Variants in SND1 observed in about 807,000 individuals in gnomAD.
SND1 encodes staphylococcal nuclease domain-containing protein 1.
SND1 carries 38 observed loss-of-function variants against 121.7 expected under a neutral mutation model. That is an observed-to-expected ratio of 0.31 (90% CI 0.24 to 0.41). The LOEUF is 0.41. Among genes scored for constraint, SND1 ranks in the 10% least tolerant of loss-of-function variants. The probability of loss-of-function intolerance (pLI) is 1.00; values close to 1 mark genes in which losing one functional copy is unlikely to be tolerated. For synonymous variants in SND1, 401 were observed against 447.4 expected (o/e 0.90, Z 1.31); for missense variants, 868 against 1,184.6 (o/e 0.73, Z 3.92).
intron 16 of SND1, chr7:128,030,472 T>G (rs1410390921): frequency 6.2e-7 from 1 of 1,613,530 alleles, no homozygotes; most frequent in Non-Finnish European, 8.5e-7. Context: ...ACCACCTTGC[T>G]GAACTGGTTA....
intron 12 of SND1, among the ~76,000 whole-genome samples, chr7:127,859,060 C>T (rs1233744272): frequency 6.6e-6 from 1 of 152,172 alleles, no homozygotes; most frequent in Non-Finnish European, 1.5e-5. Context: ...TCTGCTTTCA[C>T]TGTCAGAGCA....
At chr7:127,823,713 G>A (rs1018219870) in intron 11 of SND1, among the ~76,000 whole-genome samples, 2 of 151,770 alleles carry the variant, frequency 1.3e-5, no homozygotes, top group Admixed American at 6.6e-5. Context: ...GCAAATGAAC[G>A]CTCAATTAAT....
At chr7:127,680,789 GA>G in intron 1 of SND1, among the ~76,000 whole-genome samples, 1 of 151,360 alleles carries the variant, frequency 6.6e-6, no homozygotes, top group East Asian at 1.9e-4. Flanking sequence ...ACAGGATTAA[GA>G]GATTAAAGTA....
At chr7:127,842,434 A>G (rs1798981316) in intron 11 of SND1, among the ~76,000 whole-genome samples, 1 of 152,138 alleles carries the variant, frequency 6.6e-6, no homozygotes, top group African/African-American at 2.4e-5. Context: ...ATATCCATTT[A>G]TTTAGTGTAT....
At chr7:127,745,251 A>T (rs1236049334) in intron 10 of SND1, among the ~76,000 whole-genome samples, 1 of 152,224 alleles carries the variant, frequency 6.6e-6, no homozygotes, top group Non-Finnish European at 1.5e-5. Flanking sequence ...TCCAGGCTGT[A>T]AACCTGTACA....
At chr7:127,682,584 T>G (rs1231252460) in intron 1 of SND1, among the ~76,000 whole-genome samples, 1 of 152,232 alleles carries the variant, frequency 6.6e-6, no homozygotes, top group Non-Finnish European at 1.5e-5. Context: ...TTAAGGATAA[T>G]TACTGCATCC....
At chr7:127,809,304 C>G (rs1488804818) in intron 11 of SND1, among the ~76,000 whole-genome samples, 5 of 152,086 alleles carry the variant, frequency 3.3e-5, no homozygotes, top group Non-Finnish European at 4.4e-5. Flanking sequence ...AAGTTTTGTT[C>G]CCCAGAGTGA....
intron 1 of SND1, among the ~76,000 whole-genome samples, chr7:127,667,306 A>G (rs1478198610): frequency 6.6e-6 from 1 of 152,236 alleles, no homozygotes; most frequent in Non-Finnish European, 1.5e-5. Flanking sequence ...AAACCTGAAG[A>G]AGAGTAAATG....
At chr7:127,773,764 A>G (rs1209029501) in intron 10 of SND1, among the ~76,000 whole-genome samples, 3 of 152,176 alleles carry the variant, frequency 2.0e-5, no homozygotes, top group African/African-American at 4.8e-5. Flanking sequence ...TTGAAGTGAC[A>G]TTTAATTTTC....
At chr7:128,035,927 A>G (rs944417949) in intron 16 of SND1, among the ~76,000 whole-genome samples, 1 of 152,222 alleles carries the variant, frequency 6.6e-6, no homozygotes, top group Non-Finnish European at 1.5e-5. Flanking sequence ...CTAGATGTCC[A>G]TAATGCCTCA....
chr7:127,669,142 G>A (rs1795471582), intron 1 of SND1, among the ~76,000 whole-genome samples: 2 of 152,040 alleles, frequency 1.3e-5, no homozygotes, highest in African/African-American at 4.8e-5. Flanking sequence ...ACAGGCGCTC[G>A]ACACCACGAC....
chr7:127,759,242 T>C (rs1797256267), intron 10 of SND1, among the ~76,000 whole-genome samples: 1 of 152,242 alleles, frequency 6.6e-6, no homozygotes, highest in Non-Finnish European at 1.5e-5. Context: ...TGTAACAGAA[T>C]GTTCTCTAAT....
At chr7:127,909,984 C>T (rs184342010) in intron 14 of SND1, among the ~76,000 whole-genome samples, 356 of 152,314 alleles carry the variant, frequency 2.3e-3, no homozygotes, top group Non-Finnish European at 4.1e-3. Context: ...TGCTCCTGAC[C>T]TCTGCCTTCA....
chr7:127,871,451 C>T (rs139553851), intron 12 of SND1, among the ~76,000 whole-genome samples: 65 of 152,280 alleles, frequency 4.3e-4, no homozygotes, highest in African/African-American at 1.3e-3. Context: ...TATGACTACG[C>T]AGTCTCTAGG....
At chr7:127,962,857 T>C (rs1450448909) in intron 15 of SND1, among the ~76,000 whole-genome samples, 1 of 152,222 alleles carries the variant, frequency 6.6e-6, no homozygotes, top group African/African-American at 2.4e-5. Context: ...CAATCAGGCA[T>C]AACATGTTCT....
intron 10 of SND1, among the ~76,000 whole-genome samples, chr7:127,804,672 G>A (rs1798199299): frequency 2.0e-5 from 3 of 151,828 alleles, no homozygotes; most frequent in South Asian, 2.1e-4. Context: ...TCAGGAGGCC[G>A]AGATGGGAGG....
intron 15 of SND1, among the ~76,000 whole-genome samples, chr7:127,945,185 G>A (rs1267605311): frequency 1.3e-5 from 2 of 152,188 alleles, no homozygotes; most frequent in Admixed American, 1.3e-4. Flanking sequence ...CTTGGCTAAC[G>A]TTTTGACTCT....
intron 16 of SND1, among the ~76,000 whole-genome samples, chr7:128,014,331 T>C (rs1014338577): frequency 1.3e-5 from 2 of 152,144 alleles, no homozygotes; most frequent in East Asian, 1.9e-4. Context: ...TTTTAAAGCA[T>C]TGAAGGAAGT....
chr7:127,865,664 G>A (rs1437921596), intron 12 of SND1, among the ~76,000 whole-genome samples: 1 of 151,970 alleles, frequency 6.6e-6, no homozygotes, highest in Non-Finnish European at 1.5e-5. Flanking sequence ...CACTCAGGCT[G>A]GAATGCAGTG....
Sources: gnomAD v4.1 joint callset for allele counts (sites outside exome capture counted in the v4.1 genomes callset) on GRCh38, gnomAD v4.1.1 for gene constraint, MANE v1.5 for transcripts, NCBI Gene and HGNC (gene_info 2026-07-23, HGNC 2026-07-21) for gene names.